Variants in PRAMEF10 observed in about 807,000 individuals in gnomAD.
The protein encoded by PRAMEF10 is PRAME family member 10.
A neutral mutation model predicts 27.7 loss-of-function variants in PRAMEF10; 4 were observed. The ratio of observed to expected loss-of-function variants is 0.14; its 90% CI spans 0.07 to 0.33. The LOEUF (loss-of-function observed/expected upper bound fraction) is 0.33, where lower values mean the gene tolerates loss of function less well. PRAMEF10 is among the 10% of genes least tolerant of loss of function. The pLI is 1.00. For missense variants in PRAMEF10, 99 were observed against 453.9 expected, an observed-to-expected ratio of 0.22 and a Z score of 7.10; for synonymous variants, 46 against 176.0, an observed-to-expected ratio of 0.26 and a Z score of 5.85.
At position 12,897,410 on chromosome 1, in the gene PRAMEF10, G is replaced by A. The variant is rs142618340; in HGVS notation, c.-26+806C>T. ...GATTTTTTTTCTGTAATAGGGCCTC[G>A]CAATGTTGCCCAGGCTGGAGTACAG... On this transcript the variant is annotated intron_variant, in intron 1 of 3. Transcript: ENST00000235347. Among the ~76,000 whole-genome samples, 653 of 150,214 alleles carry A rather than the reference G, an allele frequency of 4.3e-3. 38 individuals are homozygous for A. Among genetic ancestry groups the A allele is most frequent in the South Asian group, 0.015 (69 of 4,602 alleles).
In PRAMEF10 at chr1:12,893,364, C is replaced by T. The variant is rs201422133; in HGVS notation, c.977G>A (p.Arg326His). ...YPSLSQLKELRLIHILMWTTN... is the reference protein window; with the variant it reads ...YPSLSQLKELHLIHILMWTTN... ...GGTCCACATTAGGATATGAATCAGA[C>T]GCAGCTCCTTTAGCTGACTGAGGCT... is the stretch of plus-strand genomic sequence containing the variant. The change falls in exon 4 of 4, where the codon CGT becomes CAT. Residue 326 changes from arginine (R) to histidine (H), a missense_variant. By Grantham distance (29) the Arg-to-His change is conservative. Transcript: ENST00000235347. The T allele has an allele frequency of 0.033, 50,051 of 1,522,884 alleles. 310 individuals carry two copies. Among genetic ancestry groups the T allele is most frequent in the African/African-American group, 0.12 (8,742 of 70,538 alleles). The allele number at this position is 1,522,884 out of a possible 1,614,324, so 94.3% of individuals were successfully genotyped here. A position where few individuals can be genotyped will look rare whatever the true frequency, so the allele number is the denominator to read the frequency against.
At chr1:12,896,714 C>CAAAAAA (rs1641213310) in intron 1 of PRAMEF10, among the ~76,000 whole-genome samples, 1 of 37,840 alleles carries the variant, frequency 2.6e-5, no homozygotes. Flanking sequence ...TGGCTAGATT[C>CAAAAAA]AAAAAAGAGA....
rs1252759856 is a variant in PRAMEF10, at chr1:12,893,381, A to T, written c.960T>A (p.Ser320Arg). The T allele has an allele frequency of 6.2e-7, 1 of 1,610,588 alleles. No homozygotes were observed. The highest frequency in any genetic ancestry group is 8.5e-7 in the Non-Finnish European group (1 of 1,179,282). Residue 320 changes from serine (S) to arginine (R), a missense_variant, in exon 4 of 4, where the codon AGT becomes AGA. Transcript: ENST00000235347. ...GAATCAGACGCAGCTCCTTTAGCTG[A>T]CTGAGGCTTGGGTACTGAGACAGAC... ...MECLSQYPSL[S>R]QLKELRLIHI...
At chr1:12,897,838 C>G (rs1641233581) in intron 1 of PRAMEF10, among the ~76,000 whole-genome samples, 3 of 148,782 alleles carry the variant, frequency 2.0e-5, no homozygotes, top group African/African-American at 7.6e-5. Context: ...GCCTTGGAAA[C>G]AGAGCGAGAC....
Position 12,895,069 on chromosome 1 carries a change from G to A in PRAMEF10, c.383C>T (p.Ala128Val). 6.3e-7 allele frequency: 1 copy of A among 1,598,290 alleles called. No individual in the cohort carries two copies. Among genetic ancestry groups the A allele is most frequent in the South Asian group, 1.1e-5 (1 of 90,602 alleles). ...GARVLSCSPE[A>V]MSKRQTVEDC... ...CTCCACTGTCTGCCTCTTACTCATGGCCTCTGGGGAGCAGGAGAGGACCCT... is the reference window on the plus strand; with the variant it reads ...CTCCACTGTCTGCCTCTTACTCATGACCTCTGGGGAGCAGGAGAGGACCCT... The change falls in exon 3 of 4, where the codon GCC (alanine) becomes GTC (valine). Residue 128 changes from alanine (A) to valine (V), a missense_variant. Physicochemically the swap from Ala to Val is moderately conservative, Grantham distance 64. Transcript: ENST00000235347.
rs1342361661 is a variant in PRAMEF10 at position 12,893,382 on chromosome 1, C to G, written c.959G>C (p.Ser320Thr). 1.2e-6 allele frequency: 2 copies of G among 1,610,448 alleles called. No homozygotes were observed. The highest frequency in any genetic ancestry group is 1.3e-5 in the African/African-American group (1 of 74,378). ...AATCAGACGCAGCTCCTTTAGCTGACTGAGGCTTGGGTACTGAGACAGACA... is the reference window on the plus strand; with the variant it reads ...AATCAGACGCAGCTCCTTTAGCTGAGTGAGGCTTGGGTACTGAGACAGACA... The part of the protein sequence containing the change: ...MECLSQYPSL[S>T]QLKELRLIHI... The change falls in exon 4 of 4, where the codon AGT becomes ACT. Residue 320 changes from serine to threonine, a missense_variant. By Grantham distance (58) the Ser-to-Thr change is moderately conservative. Coordinates refer to ENST00000235347, the MANE Select transcript of PRAMEF10 (RefSeq NM_001039361.4).
At chr1:12,894,110 T>A (rs1641172293) in intron 3 of PRAMEF10, among the ~76,000 whole-genome samples, 1 of 151,082 alleles carries the variant, frequency 6.6e-6, no homozygotes, top group African/African-American at 2.4e-5. Flanking sequence ...AGACGGGGAT[T>A]CACTGTGTTG....
Position 12,893,211 on chromosome 1 carries a change from G to A in PRAMEF10, c.1130C>T (p.Ser377Phe). 6.2e-7 allele frequency: 1 copy of A among 1,603,520 alleles called. No homozygotes were observed. The highest frequency in any genetic ancestry group is 1.1e-5 in the South Asian group (1 of 90,762). The change falls in exon 4 of 4, where the codon TCC (serine) becomes TTC (phenylalanine). Residue 377 changes from serine (S) to phenylalanine (F), a missense_variant. By Grantham distance (155) the Ser-to-Phe change is radical. Coordinates refer to ENST00000235347, the MANE Select transcript of PRAMEF10 (RefSeq NM_001039361.4). ...ATGAAAGTTGAAGGTGGTGAGCTGG[G>A]AACAGTGGCTCAGGGCAGGCAGGAG... ...RVLLPALSHC[S>F]QLTTFNFHGN...
intron 1 of PRAMEF10, among the ~76,000 whole-genome samples, chr1:12,897,604 T>C (rs2020149): frequency 1.9e-3 from 285 of 148,986 alleles, no homozygotes; most frequent in African/African-American, 6.5e-3. Flanking sequence ...TGGCTGTAAT[T>C]CCAGCACTTT....
rs766203608 is a variant in PRAMEF10, at chr1:12,892,941, T to G, written c.1400A>C (p.Lys467Thr). The change falls in exon 4 of 4, where the codon AAA (lysine) becomes ACA (threonine). Residue 467 changes from lysine (K) to threonine (T), a missense_variant. Lys to Thr is a moderately conservative substitution (Grantham distance 78). Coordinates refer to ENST00000235347, the MANE Select transcript of PRAMEF10 (RefSeq NM_001039361.4). ...CTAGGAGCAAAGATGGAAGTCCACT[T>G]TCTCAGATGGCCATGAGCCACAGTT... ...CPNCGSWPSE[K>T]VDFHLCS 1.6e-5 allele frequency: 25 copies of G among 1,580,232 alleles called. No individual in the cohort carries two copies. The highest frequency in any genetic ancestry group is 2.3e-4 in the Middle Eastern group (1 of 4,376).
chr1:12,893,800 G>A (rs1641168219), intron 3 of PRAMEF10, among the ~76,000 whole-genome samples: 1 of 111,942 alleles, frequency 8.9e-6, no homozygotes, highest in Non-Finnish European at 1.9e-5. Flanking sequence ...CATCCCAGAA[G>A]CATGCACTTC....
Position 12,893,240 on chromosome 1 carries a change from C to G in PRAMEF10, c.1101G>C (p.Arg367Ser). The G allele has an allele frequency of 6.2e-7, 1 of 1,608,686 alleles. No homozygotes were observed. The highest frequency in any genetic ancestry group is 8.5e-7 in the Non-Finnish European group (1 of 1,177,388). Residue 367 changes from arginine (R) to serine (S), a missense_variant, in exon 4 of 4, where the codon AGG becomes AGC. Physicochemically the swap from Arg to Ser is moderately radical, Grantham distance 110. Coordinates refer to ENST00000235347, the MANE Select transcript of PRAMEF10 (RefSeq NM_001039361.4). ...KDCRIQDPQL[R>S]VLLPALSHCS... ...AGTGGCTCAGGGCAGGCAGGAGGAC[C>G]CTGAGTTGGGGGTCCTGGATCCGAC...
chr1:12,897,678 G>A (rs928311018), intron 1 of PRAMEF10, among the ~76,000 whole-genome samples: 1 of 149,394 alleles, frequency 6.7e-6, no homozygotes, highest in African/African-American at 2.5e-5. Context: ...CCAGCATGGT[G>A]AAACCCCACC....
chr1:12,892,923 CA>C lies in PRAMEF10; in HGVS notation c.1417del (p.Cys473AlafsTer?), dbSNP rs1166706099. On this transcript the variant is annotated frameshift_variant, in exon 4 of 4. Transcript: ENST00000235347. LOFTEE classifies it high-confidence loss of function. ...WPSEKVDFHL[C>X]S ...CCACGAACCAGGCCTTCCCTAGGAG[CA>C]AAGATGGAAGTCCACTTTCTCAGAT... 6.3e-7 allele frequency: 1 copy of C among 1,593,282 alleles called. No individual in the cohort carries two copies.
rs1641189980 is a variant in PRAMEF10 at position 12,895,047 on chromosome 1, C to CGGAG, written c.404_405insCTCC (p.Glu136SerfsTer28). 1 of 1,608,144 alleles carries CGGAG rather than the reference C, an allele frequency of 6.2e-7. No individual in the cohort carries two copies. The highest frequency in any genetic ancestry group is 8.5e-7 in the Non-Finnish European group (1 of 1,177,860). ...GCTCTCCCATCCTTGGACAGTCCTC[C>CGGAG]ACTGTCTGCCTCTTACTCATGGCCT... On this transcript the variant is annotated frameshift_variant, in exon 3 of 4. Transcript: ENST00000235347. LOFTEE classifies it high-confidence loss of function.
Position 12,893,715 on chromosome 1 carries a change from A to G in PRAMEF10, c.867-241T>C, listed in dbSNP as rs2637921. Among the ~76,000 whole-genome samples, 705 of 92,148 alleles carry G rather than the reference A, an allele frequency of 7.7e-3. 1 individual carries two copies. Among genetic ancestry groups the G allele is most frequent in the Middle Eastern group, 0.012 (3 of 248 alleles). The allele number at this position is 92,148 out of a possible 152,430, so 60.5% of individuals were successfully genotyped here. A position where few individuals can be genotyped will look rare whatever the true frequency, so the allele number is the denominator to read the frequency against. Reference sequence around the variant, plus strand: ...TGAAGACTCAGATCATTCAGGGGCCACTCCATTTTAGGCTCAGTCCTTTCA... The same window carrying G: ...TGAAGACTCAGATCATTCAGGGGCCGCTCCATTTTAGGCTCAGTCCTTTCA... On this transcript the variant is annotated intron_variant, in intron 3 of 3. Coordinates refer to ENST00000235347, the MANE Select transcript of PRAMEF10 (RefSeq NM_001039361.4).
In PRAMEF10 at chr1:12,895,148, C is replaced by G; in HGVS notation, c.304G>C (p.Val102Leu). 1 of 1,466,020 alleles carries G rather than the reference C, an allele frequency of 6.8e-7. No homozygotes were observed. Among genetic ancestry groups the G allele is most frequent in the South Asian group, 1.2e-5 (1 of 85,626 alleles). The allele number at this position is 1,466,020 out of a possible 1,614,324, so 90.8% of individuals were successfully genotyped here. ...KVRPRRWKLQ[V>L]LDLRDVDENF... Reference sequence around the variant, plus strand: ...TCATCAACATCCCTCAAATCCAGCACTTGAAGTTTCCACCTCCTATGAGTA... The same window carrying G: ...TCATCAACATCCCTCAAATCCAGCAGTTGAAGTTTCCACCTCCTATGAGTA... The change falls in exon 3 of 4, where the codon GTG (valine) becomes CTG (leucine). Residue 102 changes from valine (V) to leucine (L), a missense_variant. Physicochemically the swap from Val to Leu is conservative, Grantham distance 32. Coordinates refer to ENST00000235347, the MANE Select transcript of PRAMEF10 (RefSeq NM_001039361.4).
rs201680403 is a variant in PRAMEF10, at chr1:12,893,440, T to A, written c.901A>T (p.Ser301Cys). The change falls in exon 4 of 4, where the codon AGT becomes TGT. Residue 301 changes from serine to cysteine, a missense_variant. Coordinates refer to ENST00000235347, the MANE Select transcript of PRAMEF10 (RefSeq NM_001039361.4). Reference protein sequence around the residue: ...LKNPLGAFIFSDAYLTDRDME... With the variant: ...LKNPLGAFIFCDAYLTDRDME... Reference sequence around the variant, plus strand: ...TCCCGATCAGTTAGGTAAGCATCACTGAATATAAAGGCCCCCAAGGGGTTC... The same window carrying A: ...TCCCGATCAGTTAGGTAAGCATCACAGAATATAAAGGCCCCCAAGGGGTTC... 0.025 allele frequency: 36,034 copies of A among 1,446,414 alleles called. 212 individuals carry two copies. The highest frequency in any genetic ancestry group is 0.046 in the Middle Eastern group (175 of 3,770). 89.6% of individuals were successfully genotyped at this position (1,446,414 alleles called of 1,614,324 possible). A position where few individuals can be genotyped will look rare whatever the true frequency, so the allele number is the denominator to read the frequency against.
At position 12,896,448 on chromosome 1, in the gene PRAMEF10, C is replaced by T. The variant is rs561296178; in HGVS notation, c.-25-576G>A. On this transcript the variant is annotated intron_variant, in intron 1 of 3. Transcript: ENST00000235347. The stretch of plus-strand genomic sequence containing the variant: ...TTCAAAATGAACCACTTTGGCTGTG[C>T]GCAGTGACTCACACCTGTAATCCCA... 6.9e-4 allele frequency among the ~76,000 whole-genome samples: 103 copies of T among 149,222 alleles called. 3 individuals are homozygous for T. The highest frequency in any genetic ancestry group is 3.5e-3 in the Middle Eastern group (1 of 284).
Sources: allele counts gnomAD v4.1 joint callset (sites outside exome capture counted in the v4.1 genomes callset), GRCh38; gene constraint gnomAD v4.1.1; transcripts MANE v1.5; gene names NCBI Gene and HGNC (gene_info 2026-07-23, HGNC 2026-07-21).